DDX10: variants seen among roughly 807,000 people sequenced by gnomAD.
The protein encoded by DDX10 is DEAD-box helicase 10.
In DDX10, 74 loss-of-function variants were observed where a neutral mutation model predicts 104.3. That is an observed-to-expected ratio of 0.71 (90% CI 0.59 to 0.86). The LOEUF (loss-of-function observed/expected upper bound fraction) is 0.86, where lower values mean the gene tolerates loss of function less well. Among genes scored for constraint, DDX10 ranks in the 40% least tolerant of loss-of-function variants. DDX10 has a pLI of 0.00. For synonymous variants in DDX10, 351 were observed against 353.4 expected, an observed-to-expected ratio of 0.99 and a Z score of 0.08; for missense variants, 952 against 1,040.0, an observed-to-expected ratio of 0.92 and a Z score of 1.16.
chr11:108,816,188 G>A (rs965584526), intron 13 of DDX10, among the ~76,000 whole-genome samples: 1 of 152,022 alleles, frequency 6.6e-6, no homozygotes, highest in Non-Finnish European at 1.5e-5. Flanking sequence ...TAAATGATGG[G>A]GGAATACCCC....
intron 13 of DDX10, among the ~76,000 whole-genome samples, chr11:108,821,164 C>T (rs112676420): frequency 1.2e-4 from 19 of 152,084 alleles, no homozygotes; most frequent in Non-Finnish European, 2.2e-4. Context: ...AGAAGTATCA[C>T]GAGAAACATC....
intron 13 of DDX10, among the ~76,000 whole-genome samples, chr11:108,779,807 T>G (rs1433207183): frequency 2.0e-5 from 3 of 152,360 alleles, no homozygotes; most frequent in East Asian, 3.9e-4. Context: ...GCAAAAAAGT[T>G]GCAGAGAGAT....
At chr11:108,747,037 A>T (rs2094332676) in intron 13 of DDX10, among the ~76,000 whole-genome samples, 1 of 152,110 alleles carries the variant, frequency 6.6e-6, no homozygotes, top group South Asian at 2.1e-4. Flanking sequence ...GCAGATAGAA[A>T]TGTGTATGTC....
intron 16 of DDX10, among the ~76,000 whole-genome samples, chr11:108,890,212 TAAAAATGAGGA>T (rs1863356933): frequency 6.6e-6 from 1 of 152,126 alleles, no homozygotes; most frequent in African/African-American, 2.4e-5. Flanking sequence ...TTATCGATTG[TAAAAATGAGGA>T]AAAAATATGA....
intron 13 of DDX10, among the ~76,000 whole-genome samples, chr11:108,766,535 C>T (rs115710722): frequency 0.011 from 1,741 of 152,194 alleles, 39 homozygotes; most frequent in African/African-American, 0.04. Context: ...CACTATGTGA[C>T]GTGTTTGTTT....
At chr11:108,774,761 G>C (rs1010791720) in intron 13 of DDX10, among the ~76,000 whole-genome samples, 2 of 152,108 alleles carry the variant, frequency 1.3e-5, no homozygotes, top group Non-Finnish European at 2.9e-5. Flanking sequence ...GAGAAATATA[G>C]GCTGTTAAAT....
At chr11:108,756,112 C>T (rs1310940825) in intron 13 of DDX10, among the ~76,000 whole-genome samples, 1 of 151,912 alleles carries the variant, frequency 6.6e-6, no homozygotes, top group African/African-American at 2.4e-5. Flanking sequence ...TGTGTTAGTG[C>T]TGCTACAGTT....
chr11:108,729,817 C>G (rs2094309797), intron 13 of DDX10: 1 of 152,066 alleles, frequency 6.6e-6, no homozygotes, highest in South Asian at 2.1e-4. Context: ...CAATGCACGT[C>G]GTTAATGTAC....
At chr11:108,865,068 AT>A (rs1465412414) in intron 16 of DDX10, among the ~76,000 whole-genome samples, 4 of 152,150 alleles carry the variant, frequency 2.6e-5, no homozygotes, top group African/African-American at 4.8e-5. Flanking sequence ...GAGCAGCAGG[AT>A]TTGGTTTCTC....
intron 13 of DDX10, among the ~76,000 whole-genome samples, chr11:108,758,339 T>C (rs1207060944): frequency 2.0e-5 from 3 of 152,030 alleles, no homozygotes; most frequent in Non-Finnish European, 4.4e-5. Context: ...ACATACCAAA[T>C]AGTGAAATAA....
chr11:108,872,714 G>GT lies in DDX10; in HGVS notation c.2304+20508dup, dbSNP rs536471676. On this transcript the variant is annotated intron_variant, in intron 16 of 17. Transcript: ENST00000322536. ...AATTGTGGCACCCAGTGGGATGTGT[G>GT]TTTGTGTTTGAATTTGTGAAAATAT... is the stretch of plus-strand genomic sequence containing the variant. 1.5e-3 allele frequency among the ~76,000 whole-genome samples: 231 copies of GT among 152,228 alleles called. 1 individual carries two copies. Among genetic ancestry groups the GT allele is most frequent in the Middle Eastern group, 3.4e-3 (1 of 294 alleles).
At chr11:108,720,068 A>C (rs943561095) in intron 12 of DDX10, among the ~76,000 whole-genome samples, 183 bp downstream of exon 12, 10 of 152,222 alleles carry the variant, frequency 6.6e-5, no homozygotes, top group Non-Finnish European at 1.3e-4. Flanking sequence ...ACACCCGGCC[A>C]GAGAGAATTT....
At chr11:108,689,500 T>C (rs957833851) in intron 7 of DDX10, among the ~76,000 whole-genome samples, 2 of 152,052 alleles carry the variant, frequency 1.3e-5, no homozygotes, top group Non-Finnish European at 2.9e-5. Flanking sequence ...ACTTTGAGGC[T>C]AAGTTCAAAT....
rs145933152 is a variant in DDX10, at chr11:108,931,750, G to A, written c.2451-8496G>A. ...AATACCTTTAATAATAAACCTTTTA[G>A]GAAACTAAAGATTCTTCTTAATCAC... On this transcript the variant is annotated intron_variant, in intron 17 of 17. Transcript: ENST00000322536. 3.3e-3 allele frequency among the ~76,000 whole-genome samples: 508 copies of A among 152,224 alleles called. 5 individuals carry two copies. The highest frequency in any genetic ancestry group is 0.012 in the African/African-American group (487 of 41,516).
At chr11:108,933,747 A>T (rs572126406) in intron 17 of DDX10, among the ~76,000 whole-genome samples, 2 of 152,206 alleles carry the variant, frequency 1.3e-5, no homozygotes, top group African/African-American at 4.8e-5. Context: ...TTAAATGTCT[A>T]CTTACATACT....
chr11:108,884,650 C>G (rs547802816), intron 16 of DDX10, among the ~76,000 whole-genome samples: 1 of 152,326 alleles, frequency 6.6e-6, no homozygotes, highest in South Asian at 2.1e-4. Context: ...TCCTTGGTTT[C>G]TCTAACTCTC....
intron 16 of DDX10, among the ~76,000 whole-genome samples, chr11:108,898,672 AAAAAC>A (rs1863472632): frequency 6.6e-6 from 1 of 152,064 alleles, no homozygotes; most frequent in African/African-American, 2.4e-5. Context: ...AAAAAAAAAA[AAAAAC>A]AAGCGAGATT....
intron 16 of DDX10, among the ~76,000 whole-genome samples, chr11:108,911,556 C>CTTTTTTTTT (rs869132450): frequency 1.6e-5 from 1 of 63,690 alleles, no homozygotes; most frequent in African/African-American, 6.7e-5. Context: ...GCCTCCTCTT[C>CTTTTTTTTT]TTTTTTTTTT....
intron 16 of DDX10, among the ~76,000 whole-genome samples, chr11:108,858,172 C>T (rs1862895417): frequency 6.6e-6 from 1 of 152,062 alleles, no homozygotes; most frequent in Non-Finnish European, 1.5e-5. Context: ...AGGATATCTT[C>T]TCCTTCATTG....
Sources: allele counts gnomAD v4.1 joint callset (sites outside exome capture counted in the v4.1 genomes callset), GRCh38; gene constraint gnomAD v4.1.1; transcripts MANE v1.5; gene names NCBI Gene and HGNC (gene_info 2026-07-23, HGNC 2026-07-21).